ZRANB3: variants seen among roughly 807,000 people sequenced by gnomAD.
ZRANB3 encodes the protein DNA annealing helicase and endonuclease ZRANB3.
In ZRANB3, 125 loss-of-function variants were observed where a neutral mutation model predicts 133.8. The ratio of observed to expected loss-of-function variants is 0.93; its 90% CI spans 0.81 to 1.08. The LOEUF is 1.08. Among genes scored for constraint, ZRANB3 ranks in the 50% least tolerant of loss-of-function variants. The pLI, the probability that ZRANB3 is intolerant of heterozygous loss-of-function variation, is 0.00. For missense variants in ZRANB3, 1,229 were observed against 1,275.5 expected (o/e 0.96, Z 0.56); for synonymous variants, 387 against 432.7 (o/e 0.89, Z 1.31).
chr2:135,197,427 G>GA lies in ZRANB3; in HGVS notation c.*2914_*2915insT, dbSNP rs1693453214. ...AAGGGATTTGGTTTATTAGCAAGATGTATGGGCATAAAATCCTTTTCCCAT... is the reference window on the plus strand; with the variant it reads ...AAGGGATTTGGTTTATTAGCAAGATGATATGGGCATAAAATCCTTTTCCCAT... On this transcript the variant is annotated 3_prime_UTR_variant, in exon 21 of 21. Coordinates refer to ENST00000264159, the MANE Select transcript of ZRANB3 (RefSeq NM_032143.4). The GA allele has an allele frequency of 6.6e-6, 1 of 152,224 alleles. No individual in the cohort carries two copies. The highest frequency in any genetic ancestry group is 6.5e-5 in the Admixed American group (1 of 15,290). 9.4% of individuals were successfully genotyped at this position (152,224 alleles called of 1,614,324 possible).
rs1401079555 is a variant in ZRANB3, at chr2:135,271,736, T to G, written c.1206+32A>C. ...CCTTTTTTCTTATTTCAATGACATT[T>G]CATAACCAAATTTAGACTTGAAATT... On this transcript the variant is annotated intron_variant, in intron 10 of 20. Transcript: ENST00000264159. The G allele has an allele frequency of 1.9e-6, 3 of 1,588,722 alleles. No homozygotes were observed. The South Asian group carries it at 3.5e-5, about 18-fold the overall frequency.
chr2:135,383,470 T>A (rs932487698), intron 3 of ZRANB3, among the ~76,000 whole-genome samples: 1 of 152,122 alleles, frequency 6.6e-6, no homozygotes, highest in Non-Finnish European at 1.5e-5. Flanking sequence ...ATCCAGGAAT[T>A]GAACTCAGCT....
Position 135,343,718 on chromosome 2 carries a change from G to A in ZRANB3, c.677+1832C>T, listed in dbSNP as rs1031837830. Among the ~76,000 whole-genome samples, 7 of 149,694 alleles carry A rather than the reference G, an allele frequency of 4.7e-5. 1 individual carries two copies. The highest frequency in any genetic ancestry group is 1.8e-4 in the African/African-American group (7 of 39,204). ...AGCCAATACATTTAGTAGACAGAAG[G>A]GCAAACAGCACACATAGACAACTGA... On this transcript the variant is annotated intron_variant, in intron 6 of 20. Transcript: ENST00000264159.
intron 1 of ZRANB3, among the ~76,000 whole-genome samples, chr2:135,505,456 C>G (rs542411037): frequency 4.6e-5 from 7 of 152,026 alleles, no homozygotes; most frequent in African/African-American, 1.7e-4. Context: ...CGCCTGTAGT[C>G]CCAGCTATTT....
intron 2 of ZRANB3, among the ~76,000 whole-genome samples, chr2:135,415,861 T>C (rs1688544272): frequency 6.6e-6 from 1 of 152,098 alleles, no homozygotes; most frequent in South Asian, 2.1e-4. Flanking sequence ...AAAAACCACA[T>C]GATTATCTTA....
At chr2:135,203,378 G>A (rs1693704836) in intron 19 of ZRANB3, among the ~76,000 whole-genome samples, 1 of 151,982 alleles carries the variant, frequency 6.6e-6, no homozygotes, top group African/African-American at 2.4e-5. Context: ...CCAGCACTTT[G>A]GGAGGCCAGG....
At chr2:135,247,231 G>T (rs1695837625) in intron 12 of ZRANB3, among the ~76,000 whole-genome samples, 1 of 152,206 alleles carries the variant, frequency 6.6e-6, no homozygotes, top group South Asian at 2.1e-4. Flanking sequence ...GAACTAAAGA[G>T]CCCTCGTGAG....
At chr2:135,304,309 G>C (rs568390785) in intron 8 of ZRANB3, among the ~76,000 whole-genome samples, 1 of 152,192 alleles carries the variant, frequency 6.6e-6, no homozygotes, top group Non-Finnish European at 1.5e-5. Context: ...TGTCAGGAAT[G>C]GATATTGAAT....
intron 12 of ZRANB3, among the ~76,000 whole-genome samples, chr2:135,254,000 T>C (rs771553409): frequency 6.6e-6 from 1 of 152,248 alleles, no homozygotes; most frequent in African/African-American, 2.4e-5. Flanking sequence ...TCTCACTTTT[T>C]GGCATGGCAA....
In ZRANB3 at chr2:135,230,785, G is replaced by A. The variant is rs533207419; in HGVS notation, c.1682C>T (p.Ala561Val). 4 of 1,613,880 alleles carry A rather than the reference G, an allele frequency of 2.5e-6. No individual in the cohort carries two copies. In the African/African-American group the frequency reaches 5.3e-5, roughly 22 times the overall value. Residue 561 changes from alanine to valine, a missense_variant, in exon 13 of 21, where the codon GCA becomes GTA. Ala to Val is a moderately conservative substitution (Grantham distance 64). Coordinates refer to ENST00000264159, the MANE Select transcript of ZRANB3 (RefSeq NM_032143.4). ...ACTTTCATAATCGATGATATCTCTT[G>A]CAGCTGTTTTTGTAGGGTCTGATGA... ...VVSSDPTKTA[A>V]RDIIDYESDV...
At chr2:135,272,347 T>G (rs936399788) in intron 9 of ZRANB3, among the ~76,000 whole-genome samples, 6 of 150,860 alleles carry the variant, frequency 4.0e-5, no homozygotes, top group Non-Finnish European at 2.9e-5. Context: ...TGCCCACAAA[T>G]CACGGATTCA....
At chr2:135,248,457 T>A (rs984351722) in intron 12 of ZRANB3, among the ~76,000 whole-genome samples, 1 of 152,202 alleles carries the variant, frequency 6.6e-6, no homozygotes, top group Admixed American at 6.5e-5. Flanking sequence ...CTTAAGAGCT[T>A]CTGCACAGCA....
intron 2 of ZRANB3, among the ~76,000 whole-genome samples, chr2:135,463,022 G>C (rs1690830793): frequency 6.6e-6 from 1 of 152,160 alleles, no homozygotes; most frequent in African/African-American, 2.4e-5. Flanking sequence ...GTAAGTCTGA[G>C]ATTTGCTTTT....
chr2:135,224,671 A>G (rs1401420385), intron 14 of ZRANB3, among the ~76,000 whole-genome samples, 154 bp from the exon 15 acceptor site: 1 of 152,166 alleles, frequency 6.6e-6, no homozygotes, highest in Non-Finnish European at 1.5e-5. Context: ...AAATAAAACT[A>G]CCACGGTAGG....
intron 12 of ZRANB3, among the ~76,000 whole-genome samples, chr2:135,235,519 A>G (rs1353660151): frequency 2.0e-5 from 3 of 152,190 alleles, no homozygotes; most frequent in Admixed American, 6.5e-5. Context: ...CCTGATGAAC[A>G]TTGATGCAAA....
At chr2:135,331,150 T>C (rs1473331454) in intron 6 of ZRANB3, among the ~76,000 whole-genome samples, 1 of 152,220 alleles carries the variant, frequency 6.6e-6, no homozygotes, top group Non-Finnish European at 1.5e-5. Flanking sequence ...TTAACTGTGA[T>C]ATTAGGGTGT....
chr2:135,294,592 T>C (rs767650628), intron 8 of ZRANB3, among the ~76,000 whole-genome samples: 1 of 152,142 alleles, frequency 6.6e-6, no homozygotes, highest in African/African-American at 2.4e-5. Context: ...GTGTCTCTAT[T>C]TCCTTCAGTA....
chr2:135,472,575 T>C (rs891036363), intron 2 of ZRANB3, among the ~76,000 whole-genome samples: 2 of 152,128 alleles, frequency 1.3e-5, no homozygotes, highest in Non-Finnish European at 2.9e-5. Context: ...TTGTCACTAT[T>C]TGACTTTTTT....
chr2:135,468,463 C>T (rs1308046758), intron 2 of ZRANB3, among the ~76,000 whole-genome samples: 2 of 151,326 alleles, frequency 1.3e-5, no homozygotes, highest in East Asian at 3.9e-4. Context: ...TTTCAACACA[C>T]TTCCACTGTG....
Sources: allele counts gnomAD v4.1 joint callset (sites outside exome capture counted in the v4.1 genomes callset), GRCh38; gene constraint gnomAD v4.1.1; transcripts MANE v1.5; gene names NCBI Gene and HGNC (gene_info 2026-07-23, HGNC 2026-07-21).